CNKSR3: variants seen among roughly 807,000 people sequenced by gnomAD.
CNKSR3 encodes CNKSR family member 3.
Under a neutral mutation model 67.7 loss-of-function variants are expected in CNKSR3, and 36 were observed. The observed-to-expected ratio is 0.53, with a 90% confidence interval of 0.41 to 0.70. The LOEUF (loss-of-function observed/expected upper bound fraction) is 0.70. Ranked by LOEUF, CNKSR3 falls within the 30% of genes least tolerant of loss-of-function variation. CNKSR3 has a pLI of 0.00. For missense variants in CNKSR3, 630 were observed against 695.2 expected (o/e 0.91, Z 1.05); for synonymous variants, 281 against 271.4 (o/e 1.04, Z -0.35).
rs1001362023 is a variant in CNKSR3, at chr6:154,392,398, G to A, written c.*13956C>T. 2 of 152,212 alleles carry A rather than the reference G, an allele frequency of 1.3e-5. No homozygotes were observed. The highest frequency in any genetic ancestry group is 4.8e-5 in the African/African-American group (2 of 41,460). The allele number at this position is 152,212 out of a possible 1,614,324, so 9.4% of individuals were successfully genotyped here. On this transcript the variant is annotated 3_prime_UTR_variant, in exon 13 of 13. Coordinates refer to ENST00000607772, the MANE Select transcript of CNKSR3 (RefSeq NM_173515.4). Reference sequence around the variant, plus strand: ...TTTTTGCCAACAGACATTGGGCTGTGTTCTACAAAGGCAGATGGCCAAACA... The same window carrying A: ...TTTTTGCCAACAGACATTGGGCTGTATTCTACAAAGGCAGATGGCCAAACA...
chr6:154,476,121 C>A (rs1467783346), intron 1 of CNKSR3, among the ~76,000 whole-genome samples: 1 of 151,810 alleles, frequency 6.6e-6, no homozygotes, highest in African/African-American at 2.4e-5. Context: ...TATGATAAAA[C>A]CTATGCCATC....
At chr6:154,427,044 A>G (rs1011800445) in intron 7 of CNKSR3, among the ~76,000 whole-genome samples, 2 of 152,214 alleles carry the variant, frequency 1.3e-5, no homozygotes, top group East Asian at 1.9e-4. Context: ...AGGAGGTGAC[A>G]TGGTATAAAA....
chr6:154,485,988 C>T (rs1786657643), intron 1 of CNKSR3, among the ~76,000 whole-genome samples: 1 of 152,172 alleles, frequency 6.6e-6, no homozygotes, highest in Non-Finnish European at 1.5e-5. Flanking sequence ...CCCACTACAT[C>T]GTGGACACAC....
Position 154,477,476 on chromosome 6 carries a change from A to AT in CNKSR3, c.53-27219dup, listed in dbSNP as rs11342441. 5.7e-3 allele frequency among the ~76,000 whole-genome samples: 832 copies of AT among 147,208 alleles called. 10 individuals carry two copies. The highest frequency in any genetic ancestry group is 0.017 in the African/African-American group (682 of 39,866). On this transcript the variant is annotated intron_variant, in intron 1 of 12. Coordinates refer to ENST00000607772, the MANE Select transcript of CNKSR3 (RefSeq NM_173515.4). ...CAGGAGCACACCACAAAGCCCAGCA[A>AT]TTTTTTTTTTTTTTCTGTATTTTTA...
chr6:154,471,335 C>T (rs866847032), intron 1 of CNKSR3, among the ~76,000 whole-genome samples: 6 of 152,194 alleles, frequency 3.9e-5, no homozygotes, highest in East Asian at 1.9e-4. Context: ...GTCAAGAGTT[C>T]GAGACCAGCC....
At chr6:154,455,068 G>T (rs1335590687) in intron 1 of CNKSR3, among the ~76,000 whole-genome samples, 1 of 151,830 alleles carries the variant, frequency 6.6e-6, no homozygotes, top group Non-Finnish European at 1.5e-5. Context: ...CAGCACTTTG[G>T]GAGGCCAAGG....
Position 154,400,065 on chromosome 6 carries a change from T to A in CNKSR3, c.*6289A>T, listed in dbSNP as rs1784700251. 6.6e-6 allele frequency: 1 copy of A among 152,208 alleles called. No homozygotes were observed. The highest frequency in any genetic ancestry group is 2.4e-5 in the African/African-American group (1 of 41,456). 9.4% of individuals were successfully genotyped at this position (152,208 alleles called of 1,614,324 possible). ...TGGGTGTGAGGAGTAATTACTCTAC[T>A]GCCCTTTTAAATACCTTTGAGGTTT... On this transcript the variant is annotated 3_prime_UTR_variant, in exon 13 of 13. Coordinates refer to ENST00000607772, the MANE Select transcript of CNKSR3 (RefSeq NM_173515.4).
At chr6:154,502,279 C>A (rs1046345834) in intron 1 of CNKSR3, among the ~76,000 whole-genome samples, 1 of 151,742 alleles carries the variant, frequency 6.6e-6, no homozygotes, top group East Asian at 1.9e-4. Context: ...GCAACCTCTG[C>A]CTCCCGGGTT....
rs139852223 is a variant in CNKSR3 at position 154,488,787 on chromosome 6, G to A, written c.52+21276C>T. ...TCAGAAATCATGACTGGGGTCAGGG[G>A]TGACAGGAGCAGAAAAATTGGGACT... On this transcript the variant is annotated intron_variant, in intron 1 of 12. Transcript: ENST00000607772. Among the ~76,000 whole-genome samples the A allele has an allele frequency of 1.8e-4, 27 of 152,324 alleles. No homozygotes were observed. The East Asian group carries it at 5.2e-3, about 29-fold the overall frequency.
At chr6:154,459,836 T>C (rs1469652815) in intron 1 of CNKSR3, among the ~76,000 whole-genome samples, 1 of 152,232 alleles carries the variant, frequency 6.6e-6, no homozygotes. Flanking sequence ...ATACCTTAGC[T>C]CAAGGATTCA....
chr6:154,412,287 A>G (rs955758798), intron 10 of CNKSR3, among the ~76,000 whole-genome samples: 3 of 152,182 alleles, frequency 2.0e-5, no homozygotes, highest in Non-Finnish European at 4.4e-5. Context: ...CTTGTTTCTC[A>G]GTAATCCATT....
rs115653474 is a variant in CNKSR3 at position 154,410,922 on chromosome 6, C to A, written c.1279+12G>T. The stretch of plus-strand genomic sequence containing the variant: ...GGCCAACGGCAGAACAAAACAAACA[C>A]TTGAAACTTACCATAAGATGGTGTT... On this transcript the variant is annotated intron_variant, in intron 11 of 12. Transcript: ENST00000607772. 539 of 1,604,100 alleles carry A rather than the reference C, an allele frequency of 3.4e-4. 4 individuals carry two copies. The African/African-American group carries it at 6.0e-3, about 18-fold the overall frequency.
intron 1 of CNKSR3, among the ~76,000 whole-genome samples, chr6:154,455,021 G>A (rs73574982): frequency 0.03 from 4,576 of 151,890 alleles, 179 homozygotes; most frequent in African/African-American, 0.09. Flanking sequence ...CAAAAGCAGT[G>A]ACTTTGGACG....
rs1485955530 is a variant in CNKSR3, at chr6:154,442,083, C to G, written c.419+5G>C. 6.3e-7 allele frequency: 1 copy of G among 1,598,066 alleles called. No individual in the cohort carries two copies. Among genetic ancestry groups the G allele is most frequent in the Admixed American group, 1.7e-5 (1 of 58,950 alleles). On this transcript the variant is annotated splice_donor_5th_base_variant and intron_variant, in intron 3 of 12. Transcript: ENST00000607772. ...AGGGCAGTAAAAGGCACATCTCCAACTTACCGGTCCAGCCACGCCAGCAGG... is the reference window on the plus strand; with the variant it reads ...AGGGCAGTAAAAGGCACATCTCCAAGTTACCGGTCCAGCCACGCCAGCAGG...
In CNKSR3 at chr6:154,393,178, T is replaced by G. The variant is rs1327722453; in HGVS notation, c.*13176A>C. Reference sequence around the variant, plus strand: ...ATCCACCTGCCTTGGCCTCCCAAAGTGCTGGGATTGTAGGTGTGAGCCACT... The same window carrying G: ...ATCCACCTGCCTTGGCCTCCCAAAGGGCTGGGATTGTAGGTGTGAGCCACT... On this transcript the variant is annotated 3_prime_UTR_variant, in exon 13 of 13. Transcript: ENST00000607772. 1 of 152,310 alleles carries G rather than the reference T, an allele frequency of 6.6e-6. No individual in the cohort carries two copies. Among genetic ancestry groups the G allele is most frequent in the East Asian group, 1.9e-4 (1 of 5,202 alleles). 9.4% of individuals were successfully genotyped at this position (152,310 alleles called of 1,614,324 possible). A position where few individuals can be genotyped will look rare whatever the true frequency, so the allele number is the denominator to read the frequency against.
At chr6:154,411,177 AC>A in intron 10 of CNKSR3, 35 bp from the exon 11 acceptor site, 1 of 1,475,478 alleles carries the variant, frequency 6.8e-7, no homozygotes, top group Non-Finnish European at 9.4e-7. Context: ...TAAGTTGTTT[AC>A]AAAGATGTTC....
intron 9 of CNKSR3, among the ~76,000 whole-genome samples, chr6:154,417,978 C>A (rs938325869): frequency 8.5e-5 from 13 of 152,192 alleles, no homozygotes; most frequent in African/African-American, 2.9e-4. Flanking sequence ...GGCAACCAGT[C>A]CAACTTTATC....
intron 4 of CNKSR3, among the ~76,000 whole-genome samples, chr6:154,439,858 T>C (rs1785546059): frequency 6.6e-6 from 1 of 152,088 alleles, no homozygotes; most frequent in Admixed American, 6.6e-5. Flanking sequence ...ACCCCTGCAC[T>C]TCAACCTAAG....
intron 2 of CNKSR3, among the ~76,000 whole-genome samples, chr6:154,443,973 C>T (rs867047777): frequency 3.3e-5 from 5 of 152,130 alleles, no homozygotes; most frequent in South Asian, 4.2e-4. Context: ...ATAATACTGT[C>T]CTAGACTCCT....
Sources: gnomAD v4.1 joint callset for allele counts (sites outside exome capture counted in the v4.1 genomes callset) on GRCh38, gnomAD v4.1.1 for gene constraint, MANE v1.5 for transcripts, NCBI Gene and HGNC (gene_info 2026-07-23, HGNC 2026-07-21) for gene names.